PAPPA: variants seen among roughly 807,000 people sequenced by gnomAD.
PAPPA encodes the protein pappalysin-1.
In PAPPA, 60 loss-of-function variants were observed where a neutral mutation model predicts 164.0. The observed-to-expected ratio is 0.37, with a 90% CI of 0.30 to 0.45. The LOEUF (loss-of-function observed/expected upper bound fraction) is 0.45, where lower values mean the gene tolerates loss of function less well. PAPPA is among the 20% of genes least tolerant of loss of function. The pLI is 1.00. For synonymous variants in PAPPA, 875 were observed against 814.1 expected, an observed-to-expected ratio of 1.07 and a Z score of -1.27; for missense variants, 1,782 against 2,087.3, an observed-to-expected ratio of 0.85 and a Z score of 2.85.
At position 116,220,092 on chromosome 9, in the gene PAPPA, G is replaced by C; in HGVS notation, c.2074G>C (p.Glu692Gln). 2 of 1,613,982 alleles carry C rather than the reference G, an allele frequency of 1.2e-6. No individual in the cohort carries two copies. The highest frequency in any genetic ancestry group is 1.7e-6 in the Non-Finnish European group (2 of 1,179,988). ...LGHTTDSVTLEWFPPIDGHFF... is the reference protein window; with the variant it reads ...LGHTTDSVTLQWFPPIDGHFF... ...CCACACAACGGACTCTGTGACACTG[G>C]AGTGGTTCCCACCTATAGATGGCCA... Residue 692 changes from glutamate (E) to glutamine (Q), a missense_variant, in exon 5 of 22, where the codon GAG becomes CAG. Glu to Gln is a conservative substitution (Grantham distance 29, BLOSUM62 2). Around this residue, in one of 2 missense-constraint regions of PAPPA, gnomAD observed 1,324 missense variants for 1,656.9 expected, o/e 0.80. Coordinates refer to ENST00000328252, the MANE Select transcript of PAPPA (RefSeq NM_002581.5).
chr9:116,319,150 G>A (rs1041099603), intron 10 of PAPPA, among the ~76,000 whole-genome samples: 2 of 152,214 alleles, frequency 1.3e-5, no homozygotes, highest in African/African-American at 2.4e-5. Context: ...TGGGCGACTA[G>A]TGAATGGCAT....
At chr9:116,358,926 G>T (rs564873398) in intron 17 of PAPPA, among the ~76,000 whole-genome samples, 1 of 152,290 alleles carries the variant, frequency 6.6e-6, no homozygotes, top group African/African-American at 2.4e-5. Flanking sequence ...AACCTCATCT[G>T]ACGATTACAG....
intron 7 of PAPPA, among the ~76,000 whole-genome samples, chr9:116,244,669 T>A (rs538503787): frequency 1.3e-5 from 2 of 152,122 alleles, no homozygotes; most frequent in Admixed American, 6.6e-5. Flanking sequence ...AAATAACAGA[T>A]GTTGGTAAGG....
chr9:116,227,739 A>G (rs1197244666), intron 6 of PAPPA, among the ~76,000 whole-genome samples, 187 bp downstream of exon 6: 1 of 152,226 alleles, frequency 6.6e-6, no homozygotes, highest in African/African-American at 2.4e-5. Context: ...CACTTGCACT[A>G]TCCTAACATG....
chr9:116,187,201 G>A lies in PAPPA; in HGVS notation c.463G>A (p.Val155Met), dbSNP rs146292613. Residue 155 changes from valine (V) to methionine (M), a missense_variant, in exon 2 of 22, where the codon GTG (valine) becomes ATG (methionine). Transcript: ENST00000328252. This position sits in a 1 kb window ranked among gnomAD's most constrained non-coding sequence, Gnocchi z 4.2. ...TATCTCACGTGACCGAGGATGGGTC[G>A]TGGGCATTCACACCATCAGTGACCA... ...SYISRDRGWV[V>M]GIHTISDQDN... 3,084 of 1,614,106 alleles carry A rather than the reference G, an allele frequency of 1.9e-3. 87 individuals carry two copies. The Admixed American group carries it at 0.044, about 23-fold the overall frequency.
At position 116,314,060 on chromosome 9, in the gene PAPPA, C is replaced by CTTTT. The variant is rs57871796; in HGVS notation, c.3147+11137_3147+11140dup. ...ATTCAGTTCTGTCATTGCATCGAAT[C>CTTTT]TTTTTTTTTTTTTTTTTTTTTTTTT... On this transcript the variant is annotated intron_variant, in intron 10 of 21. Coordinates refer to ENST00000328252, the MANE Select transcript of PAPPA (RefSeq NM_002581.5). 1.9e-3 allele frequency among the ~76,000 whole-genome samples: 133 copies of CTTTT among 69,734 alleles called. 25 individuals carry two copies. Among genetic ancestry groups the CTTTT allele is most frequent in the African/African-American group, 3.6e-3 (73 of 20,168 alleles). 45.7% of individuals were successfully genotyped at this position (69,734 alleles called of 152,430 possible). A position where few individuals can be genotyped will look rare whatever the true frequency, so the allele number is the denominator to read the frequency against.
In PAPPA at chr9:116,398,437, T is replaced by C. The variant is rs886528352; in HGVS notation, c.*1821T>C. 1 of 474,442 alleles carries C rather than the reference T, an allele frequency of 2.1e-6. No homozygotes were observed. The highest frequency in any genetic ancestry group is 3.4e-6 in the Non-Finnish European group (1 of 290,276). The allele number at this position is 474,442 out of a possible 1,614,324, so 29.4% of individuals were successfully genotyped here. A position where few individuals can be genotyped will look rare whatever the true frequency, so the allele number is the denominator to read the frequency against. On this transcript the variant is annotated 3_prime_UTR_variant, in exon 22 of 22. Coordinates refer to ENST00000328252, the MANE Select transcript of PAPPA (RefSeq NM_002581.5). ...CATGCACGTGTGCAGCCCCACCTAA[T>C]TCCTGCATCCAAGGCAGGTGTTGTT...
rs1846815922 is a variant in PAPPA at position 116,386,606 on chromosome 9, T to TATC, written c.4776+4114_4776+4116dup. 2.0e-5 allele frequency among the ~76,000 whole-genome samples: 3 copies of TATC among 152,204 alleles called. No individual in the cohort carries two copies. In the South Asian group the frequency reaches 6.2e-4, roughly 32 times the overall value. ...GGAAGCCCAAGTTTGAACCCAGTTC[T>TATC]ATCTGACTCAAAAGTTCTGCTTTTT... On this transcript the variant is annotated intron_variant, in intron 21 of 21. Transcript: ENST00000328252.
intron 2 of PAPPA, among the ~76,000 whole-genome samples, chr9:116,192,894 G>A (rs1162708886): frequency 1.3e-5 from 2 of 152,156 alleles, no homozygotes; most frequent in Admixed American, 1.3e-4. Flanking sequence ...TGACACTGAA[G>A]ACTGTAGCTA....
chr9:116,175,674 A>C (rs1843825823), intron 1 of PAPPA, among the ~76,000 whole-genome samples: 4 of 152,070 alleles, frequency 2.6e-5, no homozygotes, highest in Admixed American at 2.6e-4. Context: ...TGTCCTAGCC[A>C]CTATATGGAG....
intron 20 of PAPPA, among the ~76,000 whole-genome samples, chr9:116,379,994 C>G (rs557290279): frequency 1.3e-5 from 2 of 152,324 alleles, no homozygotes; most frequent in South Asian, 4.1e-4. Context: ...AACTCCTACT[C>G]ATCTTTATGA....
chr9:116,189,766 T>C (rs1844019654), intron 2 of PAPPA, among the ~76,000 whole-genome samples: 1 of 152,296 alleles, frequency 6.6e-6, no homozygotes, highest in African/African-American at 2.4e-5. Context: ...CTCGAGCACA[T>C]TTGCCGACCT....
At chr9:116,163,174 G>A (rs887381588) in intron 1 of PAPPA, among the ~76,000 whole-genome samples, 5 of 152,224 alleles carry the variant, frequency 3.3e-5, no homozygotes, top group Admixed American at 2.0e-4. Context: ...GGCAGTGGGT[G>A]TTGGGGAGAA....
At position 116,265,854 on chromosome 9, in the gene PAPPA, C is replaced by T. The variant is rs528684331; in HGVS notation, c.2733-3C>T. 1.3e-6 allele frequency: 2 copies of T among 1,588,666 alleles called. No homozygotes were observed. Among genetic ancestry groups the T allele is most frequent in the East Asian group, 2.3e-5 (1 of 44,332 alleles). On this transcript the variant is annotated splice_polypyrimidine_tract_variant and splice_region_variant and intron_variant, in intron 7 of 21. Transcript: ENST00000328252. Reference sequence around the variant, plus strand: ...ATAATTATGTCTTCTTTGTATTTTCCAGGGATCTAAATCTTGGCAGTGTGT... The same window carrying T: ...ATAATTATGTCTTCTTTGTATTTTCTAGGGATCTAAATCTTGGCAGTGTGT...
At chr9:116,333,855 C>T (rs1281335385) in intron 12 of PAPPA, among the ~76,000 whole-genome samples, 1 of 151,996 alleles carries the variant, frequency 6.6e-6, no homozygotes, top group Non-Finnish European at 1.5e-5. Flanking sequence ...TTCTGTTTTT[C>T]CCCTCCACCC....
chr9:116,392,488 T>C (rs1334405677), intron 21 of PAPPA, among the ~76,000 whole-genome samples: 1 of 152,076 alleles, frequency 6.6e-6, no homozygotes, highest in African/African-American at 2.4e-5. Flanking sequence ...AGAAATCATC[T>C]GGCATGTGGA....
intron 1 of PAPPA, among the ~76,000 whole-genome samples, chr9:116,156,834 A>G (rs762993040): frequency 6.6e-6 from 1 of 152,202 alleles, no homozygotes; most frequent in Non-Finnish European, 1.5e-5. Context: ...TCTTTGCAGA[A>G]GTACTTTTTC....
At chr9:116,281,446 TAC>T (rs1845265751) in intron 9 of PAPPA, among the ~76,000 whole-genome samples, 1 of 152,188 alleles carries the variant, frequency 6.6e-6, no homozygotes, top group Non-Finnish European at 1.5e-5. Flanking sequence ...CCTTGCCATC[TAC>T]CCTCGTGTCC....
chr9:116,187,654 C>A lies in PAPPA; in HGVS notation c.916C>A (p.Pro306Thr). Residue 306 changes from proline to threonine, a missense_variant, in exon 2 of 22, where the codon CCC (proline) becomes ACC (threonine). Transcript: ENST00000328252. The surrounding 1 kb of genome is among the most constrained non-coding windows in gnomAD (Gnocchi z 4.2). ...AWSPMKDGSS[P>T]KVEFSNAHGF... ...GTCCCCCATGAAGGATGGCAGCAGCCCCAAAGTGGAATTCAGCAATGCCCA... is the reference window on the plus strand; with the variant it reads ...GTCCCCCATGAAGGATGGCAGCAGCACCAAAGTGGAATTCAGCAATGCCCA... 6.2e-7 allele frequency: 1 copy of A among 1,614,222 alleles called. No homozygotes were observed.
Sources: gnomAD v4.1 joint callset for allele counts (sites outside exome capture counted in the v4.1 genomes callset) on GRCh38, gnomAD v4.1.1 for gene constraint, gnomAD v4.1.1 regional missense constraint, Gnocchi (gnomAD v3.1) non-coding constraint, MANE v1.5 for transcripts, NCBI Gene and HGNC (gene_info 2026-07-23, HGNC 2026-07-21) for gene names.